Variants in CCDC61 observed in about 807,000 individuals in gnomAD.
CCDC61 encodes coiled-coil domain containing 61.
In CCDC61, 55 loss-of-function variants were observed where a neutral mutation model predicts 63.0. The observed-to-expected ratio is 0.87, with a 90% CI of 0.70 to 1.09. The LOEUF is 1.09. Ranked by LOEUF, CCDC61 falls within the 50% of genes least tolerant of loss-of-function variation. CCDC61 has a pLI of 0.00. For synonymous variants in CCDC61, 270 were observed against 317.0 expected (o/e 0.85, Z 1.58); for missense variants, 651 against 731.4 (o/e 0.89, Z 1.27).
chr19:46,011,644 G>A (rs1384659776), intron 5 of CCDC61, among the ~76,000 whole-genome samples: 1 of 152,176 alleles, frequency 6.6e-6, no homozygotes, highest in Admixed American at 6.5e-5. Context: ...TCCTTTGGTG[G>A]TGTTGAGACT....
At chr19:46,000,505 G>C (rs948710941) in intron 1 of CCDC61, among the ~76,000 whole-genome samples, 8 of 151,868 alleles carry the variant, frequency 5.3e-5, no homozygotes, top group Non-Finnish European at 1.2e-4. Context: ...GCTGGTTTCC[G>C]GGGAATGTAG....
chr19:46,017,964 T>C (rs1968981397), intron 12 of CCDC61, 114 bp from the exon 13 acceptor site: 5 of 831,334 alleles, frequency 6.0e-6, no homozygotes, highest in Non-Finnish European at 9.4e-6. Flanking sequence ...GGCCAGTAGG[T>C]GTCAGGCCTT....
intron 5 of CCDC61, among the ~76,000 whole-genome samples, chr19:46,013,420 G>C (rs1968865819): frequency 6.6e-6 from 1 of 152,062 alleles, no homozygotes; most frequent in South Asian, 2.1e-4. Flanking sequence ...GCCTCCCAAA[G>C]TGCTGGGATT....
intron 1 of CCDC61, among the ~76,000 whole-genome samples, chr19:45,996,630 C>T (rs1016935494): frequency 6.6e-6 from 1 of 152,142 alleles, no homozygotes; most frequent in Admixed American, 6.5e-5. Flanking sequence ...GAACTCGTGA[C>T]CTCAGGTGAT....
intron 1 of CCDC61, among the ~76,000 whole-genome samples, chr19:45,995,904 G>A (rs951658582): frequency 6.6e-6 from 1 of 152,160 alleles, no homozygotes; most frequent in Non-Finnish European, 1.5e-5. Flanking sequence ...ATTGAGGAAG[G>A]GAGGGAAGGA....
At chr19:45,996,698 C>G (rs979689050) in intron 1 of CCDC61, among the ~76,000 whole-genome samples, 1 of 152,222 alleles carries the variant, frequency 6.6e-6, no homozygotes, top group Non-Finnish European at 1.5e-5. Context: ...CCGTGCCTGG[C>G]TAGCTTGGAG....
At chr19:45,996,038 A>G (rs911799853) in intron 1 of CCDC61, among the ~76,000 whole-genome samples, 1 of 152,158 alleles carries the variant, frequency 6.6e-6, no homozygotes, top group Non-Finnish European at 1.5e-5. Flanking sequence ...TACTCTACTG[A>G]TGGTTAAGAA....
chr19:46,004,170 C>A (rs1269144270), intron 3 of CCDC61, among the ~76,000 whole-genome samples: 2 of 152,018 alleles, frequency 1.3e-5, no homozygotes, highest in Non-Finnish European at 2.9e-5. Flanking sequence ...GAGCTCCGGA[C>A]ATCAGGTGAT....
intron 3 of CCDC61, among the ~76,000 whole-genome samples, chr19:46,003,820 CGT>C (rs55945123): frequency 0.11 from 16,112 of 143,682 alleles, 893 homozygotes; most frequent in South Asian, 0.17. Context: ...TTTCCAAATA[CGT>C]GTGTGTGTGT....
chr19:46,014,495 G>T (rs192107714), intron 5 of CCDC61, among the ~76,000 whole-genome samples: 1 of 152,318 alleles, frequency 6.6e-6, no homozygotes, highest in Admixed American at 6.5e-5. Context: ...AGATGTATTA[G>T]AAATTCAATT....
At chr19:45,998,603 TC>T (rs1968535594) in intron 1 of CCDC61, among the ~76,000 whole-genome samples, 1 of 152,104 alleles carries the variant, frequency 6.6e-6, no homozygotes, top group Non-Finnish European at 1.5e-5. Context: ...CCCTGGCATC[TC>T]CCGTTAAATT....
rs1196819177 is a variant in CCDC61 at position 46,016,804 on chromosome 19, C to T, written c.1202C>T (p.Pro401Leu). Residue 401 changes from proline (P) to leucine (L), a missense_variant, in exon 10 of 14, where the codon CCT becomes CTT. Pro to Leu is a moderately conservative substitution (Grantham distance 98). Transcript: ENST00000595358. The surrounding 1 kb of genome is among the most constrained non-coding windows in gnomAD (Gnocchi z 7.2). ...PAALTGRGDAPNRSRNRSSSV... is the reference protein window; with the variant it reads ...PAALTGRGDALNRSRNRSSSV... ...GCCTTGACTGGCCGAGGGGACGCCC[C>T]TAACCGCTCCCGAAACCGCAGCTCC... 3.9e-6 allele frequency: 6 copies of T among 1,528,758 alleles called. No homozygotes were observed. Among genetic ancestry groups the T allele is most frequent in the Non-Finnish European group, 5.3e-6 (6 of 1,136,994 alleles). The allele number at this position is 1,528,758 out of a possible 1,614,324, so 94.7% of individuals were successfully genotyped here.
Position 46,018,452 on chromosome 19 carries a change from G to GGGTAGTAC in CCDC61, c.*65_*66insGGTAGTAC. ...TGCTGGGTATGGTGTGGGGGGTGGG[G>GGGTAGTAC]CCAGGGTGGCCTCCAGCCCTGCCCA... On this transcript the variant is annotated 3_prime_UTR_variant, in exon 14 of 14. Coordinates refer to ENST00000595358, the MANE Select transcript of CCDC61 (RefSeq NM_001267723.2). This position sits in a 1 kb window ranked among gnomAD's most constrained non-coding sequence, Gnocchi z 4.2. The GGGTAGTAC allele has an allele frequency of 7.3e-7, 1 of 1,365,626 alleles. No individual in the cohort carries two copies. Among genetic ancestry groups the GGGTAGTAC allele is most frequent in the Non-Finnish European group, 1.0e-6 (1 of 985,718 alleles). The allele number at this position is 1,365,626 out of a possible 1,614,324, so 84.6% of individuals were successfully genotyped here.
chr19:46,006,341 T>A (rs900186137), intron 3 of CCDC61, among the ~76,000 whole-genome samples: 5 of 152,258 alleles, frequency 3.3e-5, no homozygotes, highest in Non-Finnish European at 5.9e-5. Flanking sequence ...AGGTCTAAGC[T>A]GTTCTCTCTG....
intron 1 of CCDC61, among the ~76,000 whole-genome samples, chr19:45,997,690 C>T (rs1968519611): frequency 1.4e-5 from 2 of 139,858 alleles, no homozygotes; most frequent in Admixed American, 7.3e-5. Context: ...TGCGCTGGGC[C>T]TATTATTATT....
At chr19:46,011,653 CTGA>C (rs1293565811) in intron 5 of CCDC61, among the ~76,000 whole-genome samples, 1 of 152,136 alleles carries the variant, frequency 6.6e-6, no homozygotes, top group Non-Finnish European at 1.5e-5. Context: ...GGTGTTGAGA[CTGA>C]TGATTTCAGC....
chr19:46,002,427 G>C (rs1257262244), intron 1 of CCDC61, among the ~76,000 whole-genome samples: 1 of 142,536 alleles, frequency 7.0e-6, no homozygotes, highest in African/African-American at 2.6e-5. Context: ...TGGCCATCAT[G>C]TATTTCTTTT....
intron 5 of CCDC61, 70 bp from the exon 6 acceptor site, chr19:46,014,979 C>T: frequency 3.0e-6 from 4 of 1,343,582 alleles, no homozygotes; most frequent in Non-Finnish European, 3.0e-6. Context: ...GATGAGGCGT[C>T]CCACCCCCAT....
intron 5 of CCDC61, among the ~76,000 whole-genome samples, chr19:46,008,772 A>G (rs746883293): frequency 2.0e-5 from 3 of 152,074 alleles, no homozygotes; most frequent in Middle Eastern, 3.2e-3. Flanking sequence ...GACCAAGACT[A>G]TCTTGGCACT....
Sources: gnomAD v4.1 joint callset for allele counts (sites outside exome capture counted in the v4.1 genomes callset) on GRCh38, gnomAD v4.1.1 for gene constraint, Gnocchi (gnomAD v3.1) non-coding constraint, MANE v1.5 for transcripts, NCBI Gene and HGNC (gene_info 2026-07-23, HGNC 2026-07-21) for gene names.